Variants in TAMM41 observed in about 807,000 individuals in gnomAD.
TAMM41 encodes the protein phosphatidate cytidylyltransferase, mitochondrial.
A neutral mutation model predicts 44.1 loss-of-function variants in TAMM41; 36 were observed. The observed-to-expected ratio is 0.82, with a 90% CI of 0.63 to 1.08. The LOEUF is 1.08. TAMM41 is among the 50% of genes least tolerant of loss of function. The pLI is 0.00. For synonymous variants in TAMM41, 164 were observed against 153.1 expected, an observed-to-expected ratio of 1.07 and a Z score of -0.53; for missense variants, 417 against 404.3, an observed-to-expected ratio of 1.03 and a Z score of -0.27.
At chr3:11,770,197 G>T in the TAMM41 span, among the ~76,000 whole-genome samples, 98,287 of 152,058 alleles carry the variant, frequency 0.65, 33,538 homozygotes, top group Admixed American at 0.76. Flanking sequence ...CACAGACTCT[G>T]TCTCCGTCTC....
intron 4 of TAMM41, among the ~76,000 whole-genome samples, chr3:11,825,450 G>C (rs1368028924): frequency 6.6e-6 from 1 of 152,154 alleles, no homozygotes; most frequent in Non-Finnish European, 1.5e-5. Flanking sequence ...TAAGGTTTCA[G>C]ATGGCTTCAT....
At chr3:11,734,294 T>C in the TAMM41 span, among the ~76,000 whole-genome samples, 7 of 152,152 alleles carry the variant, frequency 4.6e-5, no homozygotes, top group Non-Finnish European at 1.0e-4. Flanking sequence ...AGGAGTAGAA[T>C]TATCCTTGGG....
intron 5 of TAMM41, chr3:11,816,963 C>A: frequency 2.2e-6 from 1 of 449,820 alleles, no homozygotes; most frequent in Non-Finnish European, 4.0e-6. Flanking sequence ...CAAAACAAGT[C>A]CCTCTCCCAC....
rs777437924 is a variant in TAMM41, at chr3:11,809,694, A to G, written c.709-12T>C. 2.5e-5 allele frequency: 40 copies of G among 1,586,098 alleles called. No homozygotes were observed. Among genetic ancestry groups the G allele is most frequent in the Admixed American group, 4.0e-5 (2 of 50,526 alleles). On this transcript the variant is annotated splice_polypyrimidine_tract_variant and intron_variant, in intron 5 of 7. Coordinates refer to ENST00000455809, the MANE Select transcript of TAMM41 (RefSeq NM_001284401.2). ...GGGCTTTTATCTATCTGAAGGGAGG[A>G]AAAAAAAGACGACGTCTATGGAAGT... is the stretch of plus-strand genomic sequence containing the variant.
At chr3:11,804,866 TA>T (rs1207060701) in intron 7 of TAMM41, among the ~76,000 whole-genome samples, 2 of 145,770 alleles carry the variant, frequency 1.4e-5, no homozygotes, top group African/African-American at 5.4e-5. Context: ...TTTATTATTA[TA>T]ATTTTTTTTT....
At chr3:11,725,570 C>T in the TAMM41 span, among the ~76,000 whole-genome samples, 2 of 152,100 alleles carry the variant, frequency 1.3e-5, no homozygotes, top group Non-Finnish European at 2.9e-5. Context: ...TCCTGAGTAG[C>T]TGGGACTACA....
At chr3:11,727,788 ATT>A in the TAMM41 span, among the ~76,000 whole-genome samples, 90 of 128,500 alleles carry the variant, frequency 7.0e-4, no homozygotes, top group Admixed American at 1.8e-3. Context: ...TTCTAATTTA[ATT>A]TTTTTTTTTT....
intron 7 of TAMM41, among the ~76,000 whole-genome samples, chr3:11,792,744 T>C (rs1481076444): frequency 6.6e-6 from 1 of 152,080 alleles, no homozygotes; most frequent in African/African-American, 2.4e-5. Flanking sequence ...TACATGAAAT[T>C]ATGAACTTCT....
intron 7 of TAMM41, among the ~76,000 whole-genome samples, chr3:11,804,311 G>A (rs1257438793): frequency 6.6e-6 from 1 of 152,164 alleles, no homozygotes; most frequent in Non-Finnish European, 1.5e-5. Flanking sequence ...AGACAGAAGA[G>A]TATAAAACAG....
rs1156555980 is a variant in TAMM41, at chr3:11,804,996, CTTTTTTTTTTT to C, written c.937+2826_937+2836del. On this transcript the variant is annotated intron_variant, in intron 7 of 7. Transcript: ENST00000455809. The stretch of plus-strand genomic sequence containing the variant: ...CGGGCGCGCACCACCACGCCCAGCC[CTTTTTTTTTTT>C]TTTTTTTTTTTTTTTTTGAGACGAA... Among the ~76,000 whole-genome samples, 535 of 103,026 alleles carry C rather than the reference CTTTTTTTTTTT, an allele frequency of 5.2e-3. 3 individuals carry two copies. The highest frequency in any genetic ancestry group is 0.021 in the African/African-American group (506 of 24,400). 67.6% of individuals were successfully genotyped at this position (103,026 alleles called of 152,430 possible).
the TAMM41 span, among the ~76,000 whole-genome samples, chr3:11,745,477 C>T: frequency 0.055 from 8,347 of 152,190 alleles, 576 homozygotes; most frequent in African/African-American, 0.16. Flanking sequence ...ATGCATACCA[C>T]GGAATATTAT....
At chr3:11,732,544 T>C in the TAMM41 span, among the ~76,000 whole-genome samples, 12 of 152,128 alleles carry the variant, frequency 7.9e-5, no homozygotes, top group African/African-American at 2.9e-4. Context: ...AAAGAGATCA[T>C]TCGAAATAGT....
the TAMM41 span, among the ~76,000 whole-genome samples, chr3:11,747,833 T>A: frequency 1.5e-4 from 23 of 151,970 alleles, no homozygotes; most frequent in African/African-American, 5.3e-4. Context: ...GGGACGCAGA[T>A]GAGAAGTGTC....
intron 4 of TAMM41, among the ~76,000 whole-genome samples, chr3:11,823,048 T>G (rs534945613): frequency 6.6e-6 from 1 of 152,314 alleles, no homozygotes; most frequent in Non-Finnish European, 1.5e-5. Context: ...TTCTTGCCTT[T>G]CTTTTTTATC....
chr3:11,793,743 T>C (rs529202246), intron 7 of TAMM41, among the ~76,000 whole-genome samples: 2 of 152,208 alleles, frequency 1.3e-5, no homozygotes, highest in South Asian at 2.1e-4. Context: ...TGCTTATACA[T>C]GGTTAAAAAA....
At chr3:11,812,913 T>C (rs1267747176) in intron 5 of TAMM41, among the ~76,000 whole-genome samples, 2 of 152,010 alleles carry the variant, frequency 1.3e-5, no homozygotes, top group Non-Finnish European at 2.9e-5. Context: ...GTAGCAGAGA[T>C]GGGAGAAGAT....
the TAMM41 span, among the ~76,000 whole-genome samples, chr3:11,740,366 G>C: frequency 1.1e-4 from 17 of 152,060 alleles, no homozygotes; most frequent in African/African-American, 4.1e-4. Context: ...ATGATACAGA[G>C]GGGTCCCATG....
At position 11,829,819 on chromosome 3, in the gene TAMM41, G is replaced by A. The variant is rs367902685; in HGVS notation, c.457C>T (p.Leu153Phe). The A allele has an allele frequency of 6.2e-6, 10 of 1,614,170 alleles. No individual in the cohort carries two copies. The highest frequency in any genetic ancestry group is 8.5e-6 in the Non-Finnish European group (10 of 1,180,018). ...ACAGCACTCTTCAGATTTCTATCGAGGGCTGATCTAAGAGTGACATCCTCG... is the reference window on the plus strand; with the variant it reads ...ACAGCACTCTTCAGATTTCTATCGAAGGCTGATCTAAGAGTGACATCCTCG... ...VNEDVTLRSALDRNLKSAVTA... is the reference protein window; with the variant it reads ...VNEDVTLRSAFDRNLKSAVTA... Residue 153 changes from leucine to phenylalanine, a missense_variant, in exon 4 of 8, where the codon CTC becomes TTC. Transcript: ENST00000455809.
At chr3:11,760,542 T>TTTTG in the TAMM41 span, among the ~76,000 whole-genome samples, 4 of 150,762 alleles carry the variant, frequency 2.7e-5, no homozygotes, top group African/African-American at 9.8e-5. Flanking sequence ...TAAGTACAAT[T>TTTTG]TTTTGTTTTG....
Sources: gnomAD v4.1 joint callset for allele counts (sites outside exome capture counted in the v4.1 genomes callset) on GRCh38, gnomAD v4.1.1 for gene constraint, MANE v1.5 for transcripts, NCBI Gene and HGNC (gene_info 2026-07-23, HGNC 2026-07-21) for gene names.